Variants in KIAA1217 observed in about 807,000 individuals in gnomAD.
The protein encoded by KIAA1217 is KIAA1217.
KIAA1217 carries 88 observed loss-of-function variants against 163.9 expected under a neutral mutation model. The ratio of observed to expected loss-of-function variants is 0.54; its 90% CI spans 0.45 to 0.64. The LOEUF is 0.64. KIAA1217 is among the 30% of genes least tolerant of loss of function. The probability of loss-of-function intolerance (pLI) is 0.00; values close to 1 mark genes in which losing one functional copy is unlikely to be tolerated. For missense variants in KIAA1217, 2,372 were observed against 2,475.0 expected, an observed-to-expected ratio of 0.96 and a Z score of 0.88; for synonymous variants, 903 against 923.1, an observed-to-expected ratio of 0.98 and a Z score of 0.39.
rs753419826 is a variant in KIAA1217, at chr10:24,546,062, T to G, written c.5570T>G (p.Val1857Gly). ...PAHSASLIPS[V>G]SNGSLKFQSL... Reference sequence around the variant, plus strand: ...CACTCTGCCTCCCTCATCCCTTCTGTCTCTAATGGCTCTTTGAAGTTTCAG... The same window carrying G: ...CACTCTGCCTCCCTCATCCCTTCTGGCTCTAATGGCTCTTTGAAGTTTCAG... The change falls in exon 21 of 21, where the codon GTC becomes GGC. Residue 1857 changes from valine (V) to glycine (G), a missense_variant. Val to Gly is a moderately radical substitution (Grantham distance 109, BLOSUM62 -3). This residue lies in a region of KIAA1217 where 690 missense variants were observed against 677.5 expected (regional missense o/e 1.02). Transcript: ENST00000376454. 1.2e-6 allele frequency: 2 copies of G among 1,614,060 alleles called. No individual in the cohort carries two copies. The highest frequency in any genetic ancestry group is 1.7e-6 in the Non-Finnish European group (2 of 1,180,044).
intron 2 of KIAA1217, among the ~76,000 whole-genome samples, chr10:24,245,395 AG>A (rs1370119149): frequency 2.0e-5 from 3 of 152,176 alleles, no homozygotes; most frequent in African/African-American, 7.2e-5. Context: ...CATCAGAGAG[AG>A]GCTTCTGTTG....
intron 1 of KIAA1217, among the ~76,000 whole-genome samples, chr10:23,995,924 C>A (rs901941632): frequency 1.3e-5 from 2 of 152,136 alleles, no homozygotes; most frequent in Non-Finnish European, 2.9e-5. Flanking sequence ...AAAGTCACTT[C>A]GCCTCTTGTT....
intron 1 of KIAA1217, among the ~76,000 whole-genome samples, chr10:23,968,241 G>A (rs1344439685): frequency 2.0e-5 from 3 of 152,106 alleles, no homozygotes; most frequent in Non-Finnish European, 4.4e-5. Context: ...AACATTCTAA[G>A]TATACATGTT....
At chr10:23,825,334 A>T (rs1837849332) in intron 1 of KIAA1217, among the ~76,000 whole-genome samples, 1 of 152,178 alleles carries the variant, frequency 6.6e-6, no homozygotes. Context: ...CTTGTATTTT[A>T]GTTTTTTTAC....
At chr10:23,791,553 G>A (rs1001602670) in intron 1 of KIAA1217, among the ~76,000 whole-genome samples, 11 of 152,090 alleles carry the variant, frequency 7.2e-5, no homozygotes, top group Non-Finnish European at 1.0e-4. Flanking sequence ...TATCCAGTCA[G>A]TTCTCTAATT....
At chr10:24,422,356 C>T (rs1199804542) in intron 3 of KIAA1217, among the ~76,000 whole-genome samples, 1 of 152,134 alleles carries the variant, frequency 6.6e-6, no homozygotes, top group Non-Finnish European at 1.5e-5. Context: ...TTGATTTAAA[C>T]CACAGCTCAT....
intron 3 of KIAA1217, among the ~76,000 whole-genome samples, chr10:24,386,818 A>G (rs970919472): frequency 6.6e-6 from 1 of 152,124 alleles, no homozygotes; most frequent in African/African-American, 2.4e-5. Flanking sequence ...GCCTCAAGTG[A>G]TCCTCCCACA....
intron 2 of KIAA1217, among the ~76,000 whole-genome samples, chr10:24,280,611 A>C (rs2077806163): frequency 6.6e-6 from 1 of 152,136 alleles, no homozygotes; most frequent in Non-Finnish European, 1.5e-5. Flanking sequence ...GGAGATCGAG[A>C]CCATCCTGGC....
intron 1 of KIAA1217, among the ~76,000 whole-genome samples, chr10:23,749,097 G>A (rs559056105): frequency 5.9e-5 from 9 of 152,264 alleles, no homozygotes; most frequent in Admixed American, 1.3e-4. Context: ...TCATAAAAAT[G>A]TTCTCTACAC....
intron 1 of KIAA1217, among the ~76,000 whole-genome samples, chr10:23,996,206 C>T (rs1466612023): frequency 2.0e-5 from 3 of 152,170 alleles, no homozygotes; most frequent in African/African-American, 7.2e-5. Context: ...CAAATGCAGT[C>T]ATTTCAAAGA....
At position 23,818,349 on chromosome 10, in the gene KIAA1217, A is replaced by AT. The variant is rs1488592375; in HGVS notation, c.-321+123115_-321+123116insT. Among the ~76,000 whole-genome samples, 647 of 126,824 alleles carry AT rather than the reference A, an allele frequency of 5.1e-3. 8 individuals carry two copies. Among genetic ancestry groups the AT allele is most frequent in the African/African-American group, 0.02 (610 of 31,184 alleles). The allele number at this position is 126,824 out of a possible 152,430, so 83.2% of individuals were successfully genotyped here. On this transcript the variant is annotated intron_variant, in intron 1 of 18. Coordinates refer to the KIAA1217 transcript ENST00000376462. ...TATATATTTTATATATATATATAAA[A>AT]AAATATATATATATATATATATAGC...
intron 2 of KIAA1217, among the ~76,000 whole-genome samples, chr10:24,036,493 A>G (rs945019109): frequency 6.6e-6 from 1 of 152,222 alleles, no homozygotes; most frequent in African/African-American, 2.4e-5. Context: ...TTGCATTGCT[A>G]TAAAGGAATA....
chr10:23,881,780 T>C (rs1178509426), intron 1 of KIAA1217, among the ~76,000 whole-genome samples: 1 of 151,746 alleles, frequency 6.6e-6, no homozygotes, highest in African/African-American at 2.4e-5. Context: ...GGATGAGGAG[T>C]AGCAGCTTCT....
intron 6 of KIAA1217, among the ~76,000 whole-genome samples, chr10:24,493,404 G>T (rs994975029): frequency 6.6e-6 from 1 of 152,170 alleles, no homozygotes; most frequent in Non-Finnish European, 1.5e-5. Context: ...TTCCTGTTTT[G>T]AACTAACAAA....
At chr10:24,218,711 G>A (rs962586037) in intron 1 of KIAA1217, among the ~76,000 whole-genome samples, 1 of 151,956 alleles carries the variant, frequency 6.6e-6, no homozygotes, top group African/African-American at 2.4e-5. Context: ...GGATGGTCTC[G>A]ATCTCCTGAC....
intron 5 of KIAA1217, among the ~76,000 whole-genome samples, chr10:24,452,073 G>C (rs1189326883): frequency 1.3e-5 from 2 of 152,066 alleles, no homozygotes; most frequent in African/African-American, 2.4e-5. Flanking sequence ...ATAAATTTGG[G>C]GGTAGGGAGA....
intron 2 of KIAA1217, among the ~76,000 whole-genome samples, chr10:24,269,949 C>T (rs1202847547): frequency 1.3e-5 from 2 of 152,174 alleles, no homozygotes; most frequent in Non-Finnish European, 2.9e-5. Flanking sequence ...TCTCTTCCCA[C>T]TACCATCATC....
intron 3 of KIAA1217, among the ~76,000 whole-genome samples, chr10:24,428,441 G>T (rs1262236555): frequency 6.6e-6 from 1 of 152,166 alleles, no homozygotes; most frequent in Non-Finnish European, 1.5e-5. Flanking sequence ...GTGGAGAGGG[G>T]ACATGGAGCC....
chr10:24,482,218 A>G (rs2064805481), intron 6 of KIAA1217: 1 of 152,222 alleles, frequency 6.6e-6, no homozygotes, highest in Non-Finnish European at 1.5e-5. Context: ...TCAATATCTC[A>G]AAAGGAAAAG....
Sources: allele counts gnomAD v4.1 joint callset (sites outside exome capture counted in the v4.1 genomes callset), GRCh38; gene constraint gnomAD v4.1.1; regional missense constraint gnomAD v4.1.1; transcripts MANE v1.5; gene names NCBI Gene and HGNC (gene_info 2026-07-23, HGNC 2026-07-21).